CDH13: variants seen among roughly 807,000 people sequenced by gnomAD.
CDH13 encodes cadherin 13, also known as cadherin-13.
CDH13 carries 24 observed loss-of-function variants against 63.8 expected under a neutral mutation model. The ratio of observed to expected loss-of-function variants is 0.38; its 90% CI spans 0.27 to 0.53. CDH13 has a LOEUF of 0.53. Ranked by LOEUF, CDH13 falls within the 20% of genes least tolerant of loss-of-function variation. CDH13 has a pLI of 0.85. For synonymous variants in CDH13, 503 were observed against 355.3 expected (o/e 1.42, Z -4.67); for missense variants, 1,049 against 903.1 (o/e 1.16, Z -2.07).
intron 11 of CDH13, among the ~76,000 whole-genome samples, chr16:83,778,445 A>C (rs12148943): frequency 0.05 from 7,519 of 151,856 alleles, 245 homozygotes; most frequent in Middle Eastern, 0.11. Flanking sequence ...CATGAGAATC[A>C]CTTGAACCGA....
chr16:83,273,214 G>T (rs2088879716), intron 5 of CDH13, among the ~76,000 whole-genome samples: 1 of 152,064 alleles, frequency 6.6e-6, no homozygotes, highest in Admixed American at 6.6e-5. Context: ...GGGGATACAT[G>T]TGCAGGTTTG....
chr16:83,535,492 C>T (rs1301131903), intron 7 of CDH13, among the ~76,000 whole-genome samples: 1 of 152,098 alleles, frequency 6.6e-6, no homozygotes, highest in Non-Finnish European at 1.5e-5. Context: ...AGTGTGTGAC[C>T]GTGAGGACCA....
intron 5 of CDH13, among the ~76,000 whole-genome samples, chr16:83,226,769 A>G (rs1340355388): frequency 6.6e-6 from 1 of 152,046 alleles, no homozygotes; most frequent in African/African-American, 2.4e-5. Context: ...AACTGCTCAG[A>G]CTCCCAGGAC....
At chr16:83,781,769 T>G (rs1471578018) in intron 12 of CDH13, among the ~76,000 whole-genome samples, 2 of 151,000 alleles carry the variant, frequency 1.3e-5, no homozygotes, top group African/African-American at 4.9e-5. Flanking sequence ...AGTTTCTTTT[T>G]TGGGGGCGTG....
chr16:82,928,877 A>T (rs575395031), intron 2 of CDH13, among the ~76,000 whole-genome samples: 1 of 152,176 alleles, frequency 6.6e-6, no homozygotes, highest in Non-Finnish European at 1.5e-5. Flanking sequence ...TCTTATGTCC[A>T]TTCTTCTGTG....
At chr16:83,703,558 C>A (rs1021778286) in intron 10 of CDH13, among the ~76,000 whole-genome samples, 1 of 152,168 alleles carries the variant, frequency 6.6e-6, no homozygotes, top group Non-Finnish European at 1.5e-5. Context: ...ACAAATCACA[C>A]GTGGAGAAGA....
intron 7 of CDH13, among the ~76,000 whole-genome samples, chr16:83,576,771 A>G (rs1198547333): frequency 6.6e-6 from 1 of 152,082 alleles, no homozygotes; most frequent in Non-Finnish European, 1.5e-5. Flanking sequence ...GATACTGAAC[A>G]TTTTTTCATG....
chr16:82,790,018 T>C (rs978450422), intron 1 of CDH13, among the ~76,000 whole-genome samples: 7 of 152,190 alleles, frequency 4.6e-5, no homozygotes, highest in African/African-American at 7.2e-5. Context: ...CACTATGACA[T>C]GAAGGACTTC....
intron 2 of CDH13, among the ~76,000 whole-genome samples, chr16:82,869,899 A>C (rs894134916): frequency 2.0e-5 from 3 of 152,232 alleles, no homozygotes; most frequent in Admixed American, 6.5e-5. Context: ...ATTGGGGGAA[A>C]TACTCCAGGA....
intron 2 of CDH13, among the ~76,000 whole-genome samples, chr16:82,882,654 C>T (rs1342696390): frequency 6.6e-6 from 1 of 151,896 alleles, no homozygotes; most frequent in Non-Finnish European, 1.5e-5. Flanking sequence ...TCCTTCTTTC[C>T]GTTCTCCCTT....
intron 6 of CDH13, among the ~76,000 whole-genome samples, chr16:83,481,435 C>A (rs868421708): frequency 6.6e-6 from 1 of 152,228 alleles, no homozygotes; most frequent in African/African-American, 2.4e-5. Flanking sequence ...CAGATCTGCG[C>A]TCTCCTTTCT....
intron 6 of CDH13, among the ~76,000 whole-genome samples, chr16:83,430,977 C>G (rs1774192092): frequency 1.4e-5 from 2 of 142,470 alleles, no homozygotes; most frequent in South Asian, 2.5e-4. Flanking sequence ...CTCCCCCCAC[C>G]TCACAACAGT....
intron 11 of CDH13, among the ~76,000 whole-genome samples, chr16:83,776,622 G>A (rs960125976): frequency 6.6e-6 from 1 of 152,148 alleles, no homozygotes. Context: ...TCACTGCTCA[G>A]CTTCCTTTAA....
intron 2 of CDH13, among the ~76,000 whole-genome samples, chr16:82,945,018 C>T (rs1489267965): frequency 6.6e-6 from 1 of 152,118 alleles, no homozygotes; most frequent in South Asian, 2.1e-4. Flanking sequence ...CTTATAATTG[C>T]TGTCATTTTC....
intron 3 of CDH13, among the ~76,000 whole-genome samples, chr16:83,068,759 T>A (rs1300145881): frequency 6.6e-6 from 1 of 152,204 alleles, no homozygotes; most frequent in Non-Finnish European, 1.5e-5. Flanking sequence ...TGAGCTTCAG[T>A]ATTTTAAGTC....
chr16:82,929,505 A>T (rs933772787), intron 2 of CDH13, among the ~76,000 whole-genome samples: 1 of 151,622 alleles, frequency 6.6e-6, no homozygotes, highest in Non-Finnish European at 1.5e-5. Context: ...CAAAAAAATT[A>T]GCTGGGCATG....
chr16:82,706,046 T>C (rs906678529), intron 1 of CDH13, among the ~76,000 whole-genome samples: 1 of 152,012 alleles, frequency 6.6e-6, no homozygotes, highest in African/African-American at 2.4e-5. Flanking sequence ...TTCCCTCCCT[T>C]CTTCCCTTCT....
intron 3 of CDH13, among the ~76,000 whole-genome samples, chr16:83,099,906 C>A (rs1424816264): frequency 2.6e-5 from 4 of 152,068 alleles, no homozygotes; most frequent in Non-Finnish European, 5.9e-5. Context: ...TTTCTTCTGC[C>A]TGCGAGTTCC....
chr16:83,700,535 C>T lies in CDH13; in HGVS notation c.1538+22074C>T, dbSNP rs77352738. Among the ~76,000 whole-genome samples the T allele has an allele frequency of 9.0e-3, 1,369 of 152,318 alleles. 54 individuals carry two copies. The highest frequency in any genetic ancestry group is 0.066 in the Admixed American group (1,014 of 15,298). On this transcript the variant is annotated intron_variant, in intron 10 of 13. Transcript: ENST00000567109. ...GGAATCAGGAAAACATGGCCTTCCT[C>T]TTGGGGAATGATCAGAGAATGGGCA...
Sources: allele counts gnomAD v4.1 joint callset (sites outside exome capture counted in the v4.1 genomes callset), GRCh38; gene constraint gnomAD v4.1.1; transcripts MANE v1.5; gene names NCBI Gene and HGNC (gene_info 2026-07-23, HGNC 2026-07-21).